DSCAM: variants seen among roughly 807,000 people sequenced by gnomAD.
DSCAM encodes cell adhesion molecule DSCAM.
Under a neutral mutation model 217.7 loss-of-function variants are expected in DSCAM, and 47 were observed. That is an observed-to-expected ratio of 0.22 (90% CI 0.17 to 0.28). The LOEUF is 0.28. Among genes scored for constraint, DSCAM ranks in the 10% least tolerant of loss-of-function variants. The pLI, the probability that DSCAM is intolerant of heterozygous loss-of-function variation, is 1.00. For missense variants in DSCAM, 2,080 were observed against 2,618.3 expected, an observed-to-expected ratio of 0.79 and a Z score of 4.49; for synonymous variants, 1,056 against 1,015.3, an observed-to-expected ratio of 1.04 and a Z score of -0.76.
At chr21:40,370,094 T>C (rs1027686698) in intron 3 of DSCAM, among the ~76,000 whole-genome samples, 3 of 152,122 alleles carry the variant, frequency 2.0e-5, no homozygotes, top group Non-Finnish European at 4.4e-5. Context: ...AGGGCAAAAA[T>C]GTTTTTTTCC....
chr21:40,073,158 G>C (rs1316287789), intron 27 of DSCAM, among the ~76,000 whole-genome samples: 3 of 152,194 alleles, frequency 2.0e-5, no homozygotes, highest in African/African-American at 7.2e-5. Context: ...CAGCTGGGGT[G>C]CTCAAGTTCG....
chr21:40,056,330 C>T (rs1420327097), intron 28 of DSCAM, among the ~76,000 whole-genome samples: 1 of 152,102 alleles, frequency 6.6e-6, no homozygotes, highest in Non-Finnish European at 1.5e-5. Context: ...TATTTTTGTT[C>T]TAGAAGCAAA....
chr21:40,414,291 A>G (rs577862428), intron 3 of DSCAM, among the ~76,000 whole-genome samples: 1 of 152,340 alleles, frequency 6.6e-6, no homozygotes, highest in South Asian at 2.1e-4. Context: ...ATAAGAAAAC[A>G]AAAGTCTTCT....
intron 3 of DSCAM, among the ~76,000 whole-genome samples, chr21:40,610,470 G>T (rs1367226268): frequency 1.3e-5 from 2 of 152,230 alleles, no homozygotes; most frequent in African/African-American, 4.8e-5. Context: ...CCCTCCATCA[G>T]AGTAGAAGCG....
At chr21:40,499,972 G>T (rs776411800) in intron 3 of DSCAM, among the ~76,000 whole-genome samples, 1 of 151,990 alleles carries the variant, frequency 6.6e-6, no homozygotes, top group Non-Finnish European at 1.5e-5. Flanking sequence ...GTAGAGACAG[G>T]GTTTCACCAT....
chr21:40,527,542 C>G (rs534314545), intron 3 of DSCAM, among the ~76,000 whole-genome samples: 84 of 152,292 alleles, frequency 5.5e-4, no homozygotes, highest in African/African-American at 1.9e-3. Flanking sequence ...AGGAGAAGAG[C>G]CACCTCTCTG....
intron 8 of DSCAM, among the ~76,000 whole-genome samples, chr21:40,332,720 T>C (rs2074389877): frequency 6.6e-6 from 1 of 152,216 alleles, no homozygotes; most frequent in Non-Finnish European, 1.5e-5. Context: ...GCAGCAAACT[T>C]GCACTTCTGG....
Position 40,708,437 on chromosome 21 carries a change from C to G in DSCAM, c.361+17G>C, listed in dbSNP as rs776318944. ...CCAAGCAGGCACAGAAAAAACAAAG[C>G]CCAGAGCTGTACTCACCAGCCTTGA... is the stretch of plus-strand genomic sequence containing the variant. On this transcript the variant is annotated intron_variant, in intron 2 of 32. Coordinates refer to ENST00000400454, the MANE Select transcript of DSCAM (RefSeq NM_001389.5). The G allele has an allele frequency of 7.0e-7, 1 of 1,428,320 alleles. No homozygotes were observed. 88.5% of individuals were successfully genotyped at this position (1,428,320 alleles called of 1,614,324 possible). A position where few individuals can be genotyped will look rare whatever the true frequency, so the allele number is the denominator to read the frequency against.
intron 11 of DSCAM, among the ~76,000 whole-genome samples, chr21:40,259,135 A>G (rs1410282385): frequency 6.6e-6 from 1 of 152,204 alleles, no homozygotes; most frequent in African/African-American, 2.4e-5. Context: ...CTGTGATTTC[A>G]TTTTCTTAAA....
At position 40,262,787 on chromosome 21, in the gene DSCAM, C is replaced by T. The variant is rs74853853; in HGVS notation, c.2356+13310G>A. 7.2e-3 allele frequency among the ~76,000 whole-genome samples: 1,098 copies of T among 152,312 alleles called. 21 individuals carry two copies. In the East Asian group the frequency reaches 0.073, roughly 10 times the overall value. Reference sequence around the variant, plus strand: ...GGTACAAGGACAGCAGTTTGGGAATCCCAGCTCAGAGGCTTGGCTGACTGT... The same window carrying T: ...GGTACAAGGACAGCAGTTTGGGAATTCCAGCTCAGAGGCTTGGCTGACTGT... On this transcript the variant is annotated intron_variant, in intron 11 of 32. Coordinates refer to ENST00000400454, the MANE Select transcript of DSCAM (RefSeq NM_001389.5).
Position 40,042,362 on chromosome 21 carries a change from C to T in DSCAM, c.5686+9G>A, listed in dbSNP as rs369441952. 2 of 1,611,230 alleles carry T rather than the reference C, an allele frequency of 1.2e-6. No homozygotes were observed. Among genetic ancestry groups the T allele is most frequent in the African/African-American group, 2.7e-5 (2 of 74,906 alleles). On this transcript the variant is annotated intron_variant, in intron 32 of 32. Transcript: ENST00000400454. ...AAGCGACGGCCCCCAGGTGGCCTTG[C>T]TCACCTACCTGGCCGATGTGCCTTT...
chr21:40,529,924 G>A (rs763694444), intron 3 of DSCAM, among the ~76,000 whole-genome samples: 29 of 152,210 alleles, frequency 1.9e-4, no homozygotes, highest in South Asian at 4.1e-4. Context: ...CAGGCTTGTC[G>A]TTGCTTATTT....
chr21:40,558,149 T>C lies in DSCAM; in HGVS notation c.508+134661A>G, dbSNP rs369315067. The stretch of plus-strand genomic sequence containing the variant: ...ACTTTCCATCACATATTTCTATCAC[T>C]GAGAAAAACAGGTTATCATTTGATT... On this transcript the variant is annotated intron_variant, in intron 3 of 32. Coordinates refer to ENST00000400454, the MANE Select transcript of DSCAM (RefSeq NM_001389.5). Among the ~76,000 whole-genome samples the C allele has an allele frequency of 3.2e-4, 49 of 152,300 alleles. 1 individual carries two copies. In the South Asian group the frequency reaches 0.01, roughly 32 times the overall value.
At chr21:40,342,648 A>ATATATATTTT (rs61637421) in intron 6 of DSCAM, among the ~76,000 whole-genome samples, 29 of 80,310 alleles carry the variant, frequency 3.6e-4, no homozygotes, top group South Asian at 5.2e-4. Context: ...ATATATATAT[A>ATATATATTTT]TTTTTTTTTT....
At chr21:40,656,228 C>T (rs2090074234) in intron 3 of DSCAM, among the ~76,000 whole-genome samples, 1 of 152,128 alleles carries the variant, frequency 6.6e-6, no homozygotes. Context: ...TCATTTTGTT[C>T]TTTCTACCCC....
chr21:40,574,706 ATTTTTTT>A (rs35778831), intron 3 of DSCAM, among the ~76,000 whole-genome samples: 3 of 127,648 alleles, frequency 2.4e-5, no homozygotes, highest in African/African-American at 5.8e-5. Flanking sequence ...AAGGTGCCTG[ATTTTTTT>A]TTTTTTTTTT....
chr21:40,733,747 G>A (rs2091035934), intron 1 of DSCAM, among the ~76,000 whole-genome samples: 1 of 152,100 alleles, frequency 6.6e-6, no homozygotes, highest in African/African-American at 2.4e-5. Flanking sequence ...CCACTGCTCT[G>A]CTCTGCTCCA....
intron 1 of DSCAM, among the ~76,000 whole-genome samples, chr21:40,778,469 T>C (rs1376630486): frequency 1.3e-5 from 2 of 152,220 alleles, no homozygotes; most frequent in African/African-American, 4.8e-5. Context: ...AAACCTGCTT[T>C]TGTTTTTTGT....
At chr21:40,717,606 G>A (rs569578142) in intron 1 of DSCAM, among the ~76,000 whole-genome samples, 2 of 152,346 alleles carry the variant, frequency 1.3e-5, no homozygotes, top group African/African-American at 4.8e-5. Flanking sequence ...ATGTCCAGAA[G>A]AGGGAGATCT....
Sources: gnomAD v4.1 joint callset for allele counts (sites outside exome capture counted in the v4.1 genomes callset) on GRCh38, gnomAD v4.1.1 for gene constraint, MANE v1.5 for transcripts, NCBI Gene and HGNC (gene_info 2026-07-23, HGNC 2026-07-21) for gene names.